The following RBFOX1 variants were observed in gnomAD, a reference collection of about 807,000 sequenced individuals.
The protein encoded by RBFOX1 is RNA binding protein fox-1 homolog 1.
RBFOX1 carries 8 observed loss-of-function variants against 57.7 expected under a neutral mutation model. That is an observed-to-expected ratio of 0.14 (90% confidence interval 0.08 to 0.25). The LOEUF (loss-of-function observed/expected upper bound fraction) is 0.25, where lower values mean the gene tolerates loss of function less well. Ranked by LOEUF, RBFOX1 falls within the 10% of genes least tolerant of loss-of-function variation. The pLI, the probability that RBFOX1 is intolerant of heterozygous loss-of-function variation, is 1.00. For missense variants in RBFOX1, 611 were observed against 548.5 expected (o/e 1.11, Z -1.14); for synonymous variants, 326 against 222.4 (o/e 1.47, Z -4.15).
intron 2 of RBFOX1, among the ~76,000 whole-genome samples, chr16:6,425,363 T>G (rs1204925161): frequency 1.3e-5 from 2 of 152,184 alleles, no homozygotes; most frequent in African/African-American, 4.8e-5. Flanking sequence ...ATGCTCTTGA[T>G]CAAATTAACA....
chr16:5,481,298 C>A (rs1374397460), intron 2 of RBFOX1, among the ~76,000 whole-genome samples: 1 of 152,164 alleles, frequency 6.6e-6, no homozygotes, highest in African/African-American at 2.4e-5. Flanking sequence ...CTTGTTGACA[C>A]CCATGACCTA....
chr16:7,166,446 C>T (rs2079526686), intron 4 of RBFOX1, among the ~76,000 whole-genome samples: 2 of 151,964 alleles, frequency 1.3e-5, no homozygotes, highest in South Asian at 4.2e-4. Context: ...AAATGTGATT[C>T]AGAGGGGAGG....
intron 4 of RBFOX1, among the ~76,000 whole-genome samples, chr16:5,968,741 T>A (rs773750692): frequency 1.6e-4 from 24 of 152,132 alleles, no homozygotes; most frequent in Non-Finnish European, 2.2e-4. Flanking sequence ...CATTAATTTT[T>A]AAAAATTTTT....
intron 3 of RBFOX1, among the ~76,000 whole-genome samples, chr16:5,824,941 GT>G (rs1434071795): frequency 6.6e-6 from 1 of 152,168 alleles, no homozygotes; most frequent in Admixed American, 6.5e-5. Context: ...AGTGGGCTCT[GT>G]CCATCTGGAT....
intron 2 of RBFOX1, among the ~76,000 whole-genome samples, chr16:5,593,527 A>C (rs1348573626): frequency 6.6e-6 from 1 of 152,192 alleles, no homozygotes; most frequent in Non-Finnish European, 1.5e-5. Flanking sequence ...AACAGTTTGC[A>C]GTGGAGAAGT....
chr16:7,298,628 A>G (rs1603570194), intron 4 of RBFOX1, among the ~76,000 whole-genome samples: 2 of 152,218 alleles, frequency 1.3e-5, no homozygotes, highest in Non-Finnish European at 2.9e-5. Context: ...CCCCAAAACT[A>G]TGATTAGCCC....
intron 4 of RBFOX1, among the ~76,000 whole-genome samples, chr16:7,184,154 T>C (rs570662366): frequency 4.6e-5 from 7 of 152,044 alleles, no homozygotes; most frequent in Non-Finnish European, 1.0e-4. Context: ...TTGAAGATCA[T>C]AAAAAGAGTA....
chr16:7,678,670 G>T (rs74693577), intron 14 of RBFOX1, among the ~76,000 whole-genome samples: 6,532 of 152,084 alleles, frequency 0.043, 226 homozygotes, highest in South Asian at 0.084. Context: ...CCTTCAATAA[G>T]ACTGGTCTAG....
intron 4 of RBFOX1, among the ~76,000 whole-genome samples, chr16:7,089,116 G>A (rs62014112): frequency 4.5e-4 from 68 of 152,180 alleles, no homozygotes; most frequent in Non-Finnish European, 5.7e-4. Context: ...CCTTTGTAGC[G>A]ACTTTAGCTC....
At chr16:5,445,320 C>A (rs1468253885) in intron 1 of RBFOX1, among the ~76,000 whole-genome samples, 1 of 152,116 alleles carries the variant, frequency 6.6e-6, no homozygotes, top group Non-Finnish European at 1.5e-5. Context: ...CTCTTCAAAT[C>A]CTGGCTTGAA....
intron 3 of RBFOX1, among the ~76,000 whole-genome samples, chr16:6,767,873 C>G (rs567224373): frequency 6.6e-6 from 1 of 150,508 alleles, no homozygotes; most frequent in South Asian, 2.1e-4. Flanking sequence ...GAGATCGCGC[C>G]ATTGCACTCC....
intron 4 of RBFOX1, among the ~76,000 whole-genome samples, chr16:7,200,203 A>G (rs1368379758): frequency 1.3e-5 from 2 of 152,226 alleles, no homozygotes; most frequent in African/African-American, 4.8e-5. Flanking sequence ...AGTGACTTTT[A>G]GAAAGGAAAC....
intron 4 of RBFOX1, among the ~76,000 whole-genome samples, chr16:7,462,520 C>T (rs1282499709): frequency 3.3e-5 from 5 of 152,190 alleles, no homozygotes; most frequent in African/African-American, 4.8e-5. Flanking sequence ...CAAAAAAACC[C>T]GCCATGTATT....
intron 2 of RBFOX1, among the ~76,000 whole-genome samples, chr16:6,584,089 C>T (rs566524979): frequency 9.2e-5 from 14 of 151,560 alleles, no homozygotes; most frequent in Non-Finnish European, 1.9e-4. Flanking sequence ...TACTGAAAGA[C>T]CATTCAGAAA....
chr16:5,283,000 A>C lies in RBFOX1; in HGVS notation c.219+42895A>C, dbSNP rs566009872. Among the ~76,000 whole-genome samples the C allele has an allele frequency of 1.6e-4, 25 of 152,290 alleles. No homozygotes were observed. In the East Asian group the frequency reaches 4.8e-3, roughly 29 times the overall value. ...AAAGATGGTTTTGTGGGCTGGAACC[A>C]GGGACCCCTACTGTGAGCAGCCTAG... On this transcript the variant is annotated intron_variant, in intron 1 of 2. Coordinates refer to the RBFOX1 transcript ENST00000585867.
intron 3 of RBFOX1, among the ~76,000 whole-genome samples, chr16:5,719,404 G>A (rs546142378): frequency 6.6e-6 from 1 of 151,280 alleles, no homozygotes; most frequent in Non-Finnish European, 1.5e-5. Context: ...TAGACACGGG[G>A]TTTCACCATG....
At chr16:5,344,516 G>T (rs1466653716) in intron 1 of RBFOX1, among the ~76,000 whole-genome samples, 1 of 152,116 alleles carries the variant, frequency 6.6e-6, no homozygotes. Flanking sequence ...AAACTTGCCA[G>T]TTCAGTGCCC....
At chr16:6,760,456 A>G (rs1043065537) in intron 3 of RBFOX1, among the ~76,000 whole-genome samples, 1 of 152,228 alleles carries the variant, frequency 6.6e-6, no homozygotes, top group Non-Finnish European at 1.5e-5. Context: ...GGCATGTATT[A>G]TTAAGAAAAA....
rs969515545 is a variant in RBFOX1, at chr16:5,377,024, C to T, written c.220-90192C>T. On this transcript the variant is annotated intron_variant, in intron 1 of 2. Coordinates refer to the RBFOX1 transcript ENST00000585867. ...AAACTACCTGTACTCGAATCTTCAT[C>T]TCAGGATCCACTTCTGGGGGAGCCC... Among the ~76,000 whole-genome samples the T allele has an allele frequency of 6.6e-5, 10 of 151,650 alleles. 1 individual carries two copies. Among genetic ancestry groups the T allele is most frequent in the African/African-American group, 2.2e-4 (9 of 40,890 alleles).
Sources: gnomAD v4.1 joint callset for allele counts (sites outside exome capture counted in the v4.1 genomes callset) on GRCh38, gnomAD v4.1.1 for gene constraint, MANE v1.5 for transcripts, NCBI Gene and HGNC (gene_info 2026-07-23, HGNC 2026-07-21) for gene names.